TSHZ2: variants seen among roughly 807,000 people sequenced by gnomAD.
TSHZ2 encodes the protein teashirt zinc finger homeobox 2.
In TSHZ2, 21 loss-of-function variants were observed where a neutral mutation model predicts 74.4. The observed-to-expected ratio is 0.28, with a 90% CI of 0.20 to 0.41. The LOEUF is 0.41. Among genes scored for constraint, TSHZ2 ranks in the 10% least tolerant of loss-of-function variants. TSHZ2 has a pLI of 1.00. For missense variants in TSHZ2, 1,244 were observed against 1,293.5 expected (o/e 0.96, Z 0.59); for synonymous variants, 540 against 515.3 (o/e 1.05, Z -0.65).
At chr20:53,031,014 TA>T (rs111252093) in intron 1 of TSHZ2, among the ~76,000 whole-genome samples, 1 of 152,210 alleles carries the variant, frequency 6.6e-6, no homozygotes, top group African/African-American at 2.4e-5. Flanking sequence ...TTATTTTTTT[TA>T]AAATTTCTTT....
In TSHZ2 at chr20:52,974,118, A is replaced by G. The variant is rs531939651; in HGVS notation, c.40+785A>G. 2.1e-4 allele frequency among the ~76,000 whole-genome samples: 32 copies of G among 152,226 alleles called. No homozygotes were observed. The South Asian group carries it at 5.6e-3, about 27-fold the overall frequency. ...ACAGGTTAATGGATCAGTACAATAGACCTTCTAAAGTTTTTTTTTCTTTTG... is the reference window on the plus strand; with the variant it reads ...ACAGGTTAATGGATCAGTACAATAGGCCTTCTAAAGTTTTTTTTTCTTTTG... On this transcript the variant is annotated intron_variant, in intron 1 of 2. Coordinates refer to ENST00000371497, the MANE Select transcript of TSHZ2 (RefSeq NM_173485.6).
intron 1 of TSHZ2, among the ~76,000 whole-genome samples, chr20:53,025,253 A>T (rs1485818872): frequency 6.6e-6 from 1 of 152,068 alleles, no homozygotes; most frequent in Non-Finnish European, 1.5e-5. Context: ...ATTTTTTTAA[A>T]CATTTTATAG....
chr20:53,365,991 G>A (rs776955955), intron 2 of TSHZ2, among the ~76,000 whole-genome samples: 15 of 152,192 alleles, frequency 9.9e-5, no homozygotes, highest in Admixed American at 3.9e-4. Flanking sequence ...TAGGCTCAAA[G>A]CCAGAATCAA....
intron 1 of TSHZ2, among the ~76,000 whole-genome samples, chr20:53,136,536 C>A (rs551472752): frequency 4.7e-4 from 71 of 152,244 alleles, no homozygotes; most frequent in African/African-American, 1.6e-3. Flanking sequence ...CTCTTAAAGC[C>A]CACTTCAGTA....
intron 1 of TSHZ2, among the ~76,000 whole-genome samples, chr20:53,098,178 C>T (rs1242260851): frequency 6.6e-6 from 1 of 152,148 alleles, no homozygotes; most frequent in African/African-American, 2.4e-5. Flanking sequence ...TCAATGGCTA[C>T]TTAGCAGCTA....
chr20:53,135,017 C>T (rs1464302574), intron 1 of TSHZ2, among the ~76,000 whole-genome samples: 4 of 148,792 alleles, frequency 2.7e-5, no homozygotes, highest in Admixed American at 1.3e-4. Flanking sequence ...GACACACACA[C>T]ACACACACAC....
intron 1 of TSHZ2, among the ~76,000 whole-genome samples, chr20:53,141,963 G>T (rs1438777656): frequency 6.6e-6 from 1 of 152,220 alleles, no homozygotes; most frequent in Non-Finnish European, 1.5e-5. Flanking sequence ...CTGTGGGCAG[G>T]AAGCAAGTGG....
chr20:53,344,350 C>G (rs1449289721), intron 2 of TSHZ2, among the ~76,000 whole-genome samples: 1 of 152,094 alleles, frequency 6.6e-6, no homozygotes, highest in African/African-American at 2.4e-5. Context: ...TTGTTATTCC[C>G]ACATTACCAA....
chr20:53,231,271 T>G (rs1292640929), intron 1 of TSHZ2, among the ~76,000 whole-genome samples: 1 of 152,222 alleles, frequency 6.6e-6, no homozygotes, highest in African/African-American at 2.4e-5. Flanking sequence ...ACATCCTGCA[T>G]ATACAAATCA....
chr20:53,258,596 A>G (rs187923947), intron 2 of TSHZ2, among the ~76,000 whole-genome samples: 10 of 152,340 alleles, frequency 6.6e-5, no homozygotes, highest in Admixed American at 5.2e-4. Context: ...AGCTTGATCC[A>G]TCGTCAGTCA....
intron 1 of TSHZ2, among the ~76,000 whole-genome samples, chr20:53,243,819 TTGC>T (rs1390262996): frequency 5.0e-4 from 64 of 127,860 alleles, no homozygotes; most frequent in South Asian, 1.1e-3. Flanking sequence ...GCTTGCTTGC[TTGC>T]TTTTTTTTTT....
chr20:53,077,410 CAAAA>C (rs11470532), intron 1 of TSHZ2, among the ~76,000 whole-genome samples: 56 of 137,300 alleles, frequency 4.1e-4, no homozygotes, highest in Non-Finnish European at 5.0e-4. Context: ...GACTCTACCT[CAAAA>C]AAAAAAAAAA....
chr20:53,312,202 A>G (rs1978823682), intron 2 of TSHZ2, among the ~76,000 whole-genome samples: 1 of 152,232 alleles, frequency 6.6e-6, no homozygotes, highest in Admixed American at 6.5e-5. Flanking sequence ...TAGATATATA[A>G]GCACATAAGG....
intron 1 of TSHZ2, among the ~76,000 whole-genome samples, chr20:53,060,137 T>C (rs755280524): frequency 6.6e-6 from 1 of 152,290 alleles, no homozygotes; most frequent in Non-Finnish European, 1.5e-5. Context: ...ACAAAACAGG[T>C]CACTTTTTAC....
chr20:53,205,944 G>A (rs6091645), intron 1 of TSHZ2, among the ~76,000 whole-genome samples: 8,475 of 152,208 alleles, frequency 0.056, 836 homozygotes, highest in African/African-American at 0.19. Flanking sequence ...ATATGGGCCG[G>A]GCACGGTGGC....
chr20:53,439,634 TC>T (rs1482809437), intron 2 of TSHZ2, among the ~76,000 whole-genome samples: 2 of 152,214 alleles, frequency 1.3e-5, no homozygotes, highest in African/African-American at 4.8e-5. Context: ...GCTTTTTTTT[TC>T]CCTGTGGCAT....
intron 1 of TSHZ2, among the ~76,000 whole-genome samples, chr20:53,247,993 A>T (rs2123708693): frequency 6.6e-6 from 1 of 152,318 alleles, no homozygotes; most frequent in African/African-American, 2.4e-5. Flanking sequence ...TATTTTGCAC[A>T]ATTTCATTTA....
At chr20:53,101,328 G>A (rs920728716) in intron 1 of TSHZ2, among the ~76,000 whole-genome samples, 1 of 152,082 alleles carries the variant, frequency 6.6e-6, no homozygotes, top group African/African-American at 2.4e-5. Flanking sequence ...ATAATATTTG[G>A]TCATTAATAA....
chr20:53,038,263 T>C (rs2123087159), intron 1 of TSHZ2, among the ~76,000 whole-genome samples: 1 of 145,128 alleles, frequency 6.9e-6, no homozygotes, highest in East Asian at 2.0e-4. Flanking sequence ...ATGTTGTACT[T>C]GAAACCTGCT....
Sources: gnomAD v4.1 joint callset for allele counts (sites outside exome capture counted in the v4.1 genomes callset) on GRCh38, gnomAD v4.1.1 for gene constraint, MANE v1.5 for transcripts, NCBI Gene and HGNC (gene_info 2026-07-23, HGNC 2026-07-21) for gene names.